The following MPDZ variants were observed in gnomAD, a reference collection of about 807,000 sequenced individuals.
MPDZ encodes the protein multiple PDZ domain crumbs cell polarity complex component, also known as multiple PDZ domain protein.
Under a neutral mutation model 239.1 loss-of-function variants are expected in MPDZ, and 234 were observed. The ratio of observed to expected loss-of-function variants is 0.98; its 90% confidence interval spans 0.88 to 1.09. The LOEUF is 1.09. MPDZ is among the 50% of genes least tolerant of loss of function. The pLI is 0.00. For synonymous variants in MPDZ, 1,048 were observed against 881.3 expected (o/e 1.19, Z -3.35); for missense variants, 3,175 against 2,510.0 (o/e 1.26, Z -5.66).
intron 32 of MPDZ, among the ~76,000 whole-genome samples, chr9:13,131,300 G>A (rs1389012379): frequency 2.0e-5 from 3 of 152,060 alleles, no homozygotes; most frequent in Non-Finnish European, 4.4e-5. Context: ...ATTCTATGGG[G>A]AACTCACAAA....
chr9:13,268,838 G>A (rs1244916654), intron 1 of MPDZ, among the ~76,000 whole-genome samples: 4 of 152,218 alleles, frequency 2.6e-5, no homozygotes. Context: ...CCTCACTGGG[G>A]CTTTGCCCTG....
Position 13,217,162 on chromosome 9 carries a change from C to T in MPDZ, c.1201+18G>A, listed in dbSNP as rs1244931677. On this transcript the variant is annotated intron_variant, in intron 9 of 46. Coordinates refer to ENST00000319217, the MANE Select transcript of MPDZ (RefSeq NM_001378778.1). ...GGTAATTGTCAAGTTTAAAAGAATACTTAATGTTTAAAATTACCCAATTTT... is the reference window on the plus strand; with the variant it reads ...GGTAATTGTCAAGTTTAAAAGAATATTTAATGTTTAAAATTACCCAATTTT... 6.3e-6 allele frequency: 9 copies of T among 1,427,986 alleles called. No individual in the cohort carries two copies. The highest frequency in any genetic ancestry group is 4.3e-5 in the African/African-American group (3 of 70,586). The allele number at this position is 1,427,986 out of a possible 1,614,324, so 88.5% of individuals were successfully genotyped here.
At chr9:13,263,089 G>C (rs1272343223) in intron 1 of MPDZ, among the ~76,000 whole-genome samples, 1 of 151,998 alleles carries the variant, frequency 6.6e-6, no homozygotes. Flanking sequence ...AAGCAGCTGG[G>C]TTGAAATATT....
chr9:13,237,108 T>C (rs1281338967), intron 3 of MPDZ, among the ~76,000 whole-genome samples: 1 of 152,086 alleles, frequency 6.6e-6, no homozygotes, highest in Admixed American at 6.5e-5. Flanking sequence ...TTATTAAATC[T>C]TGACCCTCAA....
intron 11 of MPDZ, 65 bp downstream of exon 11, chr9:13,205,851 G>A: frequency 7.2e-7 from 1 of 1,391,018 alleles, no homozygotes; most frequent in Non-Finnish European, 9.6e-7. Flanking sequence ...AAGTTACTTT[G>A]GAATTTAAAA....
At chr9:13,191,101 G>C (rs180829017) in intron 15 of MPDZ, among the ~76,000 whole-genome samples, 4 of 151,890 alleles carry the variant, frequency 2.6e-5, no homozygotes, top group Non-Finnish European at 5.9e-5. Flanking sequence ...GCACAGCCTA[G>C]GACCACAGAT....
chr9:13,173,334 A>G (rs1046356036), intron 21 of MPDZ, among the ~76,000 whole-genome samples: 1 of 152,206 alleles, frequency 6.6e-6, no homozygotes, highest in Non-Finnish European at 1.5e-5. Flanking sequence ...GAGAATAAAT[A>G]AGAAAATCCA....
At chr9:13,225,813 C>T (rs918684772) in intron 3 of MPDZ, among the ~76,000 whole-genome samples, 2 of 152,042 alleles carry the variant, frequency 1.3e-5, no homozygotes, top group Non-Finnish European at 2.9e-5. Flanking sequence ...GTACTCTATA[C>T]ATATTGTCAC....
chr9:13,222,014 T>C (rs997468459), intron 6 of MPDZ, among the ~76,000 whole-genome samples: 1 of 152,032 alleles, frequency 6.6e-6, no homozygotes, highest in African/African-American at 2.4e-5. Flanking sequence ...AGGAATGCTG[T>C]CAAAGGACAA....
intron 24 of MPDZ, among the ~76,000 whole-genome samples, chr9:13,155,926 C>T (rs1230404633): frequency 2.6e-5 from 4 of 152,056 alleles, no homozygotes; most frequent in African/African-American, 2.4e-5. Flanking sequence ...GTATTCTTCA[C>T]GTAAGGTTGT....
intron 2 of MPDZ, among the ~76,000 whole-genome samples, chr9:13,249,462 T>C (rs1967317683): frequency 6.6e-6 from 1 of 152,114 alleles, no homozygotes; most frequent in South Asian, 2.1e-4. Flanking sequence ...ACATTTTCAT[T>C]ACCAGCACAG....
At chr9:13,160,168 A>G (rs1388761805) in intron 23 of MPDZ, among the ~76,000 whole-genome samples, 1 of 152,158 alleles carries the variant, frequency 6.6e-6, no homozygotes, top group Non-Finnish European at 1.5e-5. Flanking sequence ...TTTATATGGC[A>G]CATGCTTCGT....
intron 1 of MPDZ, among the ~76,000 whole-genome samples, chr9:13,272,811 G>C (rs1438550470): frequency 6.6e-6 from 1 of 151,760 alleles, no homozygotes; most frequent in South Asian, 2.1e-4. Flanking sequence ...TGGGGAGTGA[G>C]AAGCCGAGGA....
intron 22 of MPDZ, among the ~76,000 whole-genome samples, chr9:13,166,420 T>C (rs1370013068): frequency 1.3e-5 from 2 of 152,104 alleles, no homozygotes; most frequent in African/African-American, 4.8e-5. Flanking sequence ...AAAAGCATTA[T>C]GTAAGGATGA....
intron 1 of MPDZ, among the ~76,000 whole-genome samples, chr9:13,272,819 G>T (rs1973310623): frequency 6.6e-6 from 1 of 151,982 alleles, no homozygotes; most frequent in African/African-American, 2.4e-5. Flanking sequence ...GAGAAGCCGA[G>T]GAGGAAATAC....
intron 1 of MPDZ, among the ~76,000 whole-genome samples, chr9:13,269,545 A>C (rs903388336): frequency 2.6e-5 from 4 of 152,178 alleles, no homozygotes; most frequent in African/African-American, 9.7e-5. Flanking sequence ...ATTTGCCATG[A>C]TCCTTTCTTA....
At chr9:13,195,518 G>A (rs1018138272) in intron 13 of MPDZ, among the ~76,000 whole-genome samples, 4 of 151,950 alleles carry the variant, frequency 2.6e-5, no homozygotes, top group Non-Finnish European at 5.9e-5. Flanking sequence ...GAAATTTGCT[G>A]GTATGGTATG....
intron 24 of MPDZ, among the ~76,000 whole-genome samples, chr9:13,151,639 G>A (rs549390054): frequency 4.7e-4 from 71 of 152,132 alleles, no homozygotes; most frequent in Middle Eastern, 6.8e-3. Context: ...GATGGGAAGA[G>A]ACAAGAAAGG....
At chr9:13,169,236 A>T (rs1209389478) in intron 21 of MPDZ, among the ~76,000 whole-genome samples, 4 of 152,080 alleles carry the variant, frequency 2.6e-5, no homozygotes, top group African/African-American at 7.2e-5. Context: ...TCTAATTTGG[A>T]TATTAAATTG....
Sources: gnomAD v4.1 joint callset for allele counts (sites outside exome capture counted in the v4.1 genomes callset) on GRCh38, gnomAD v4.1.1 for gene constraint, MANE v1.5 for transcripts, NCBI Gene and HGNC (gene_info 2026-07-23, HGNC 2026-07-21) for gene names.